CDH4: variants seen among roughly 807,000 people sequenced by gnomAD.
CDH4 encodes the protein cadherin-4.
CDH4 carries 33 observed loss-of-function variants against 86.0 expected under a neutral mutation model. The ratio of observed to expected loss-of-function variants is 0.38; its 90% confidence interval spans 0.29 to 0.51. CDH4 has a LOEUF of 0.51. Ranked by LOEUF, CDH4 falls within the 20% of genes least tolerant of loss-of-function variation. CDH4 has a pLI of 0.86. For missense variants in CDH4, 1,114 were observed against 1,307.4 expected (o/e 0.85, Z 2.28); for synonymous variants, 555 against 549.4 (o/e 1.01, Z -0.14).
chr20:61,533,167 C>T (rs922120914), intron 2 of CDH4, among the ~76,000 whole-genome samples: 6 of 152,122 alleles, frequency 3.9e-5, no homozygotes, highest in African/African-American at 1.2e-4. Context: ...GGGGGTGACT[C>T]AGGCCACTGA....
At chr20:61,740,885 G>A (rs1273997658) in intron 2 of CDH4, 1 of 152,218 alleles carries the variant, frequency 6.6e-6, no homozygotes, top group Non-Finnish European at 1.5e-5. Flanking sequence ...GATTGGACGG[G>A]GCCTGTTAGA....
chr20:61,825,988 C>T (rs1046870476), intron 4 of CDH4, among the ~76,000 whole-genome samples: 3 of 152,200 alleles, frequency 2.0e-5, no homozygotes, highest in African/African-American at 7.2e-5. Flanking sequence ...GCCGCCTCTC[C>T]CACTGCCACA....
chr20:61,852,178 AG>A (rs1982756586), intron 5 of CDH4, among the ~76,000 whole-genome samples: 1 of 151,746 alleles, frequency 6.6e-6, no homozygotes, highest in Admixed American at 6.6e-5. Context: ...AAGAGCTGAC[AG>A]GGCACACAGA....
At chr20:61,359,429 C>A (rs769772284) in intron 2 of CDH4, among the ~76,000 whole-genome samples, 1 of 152,188 alleles carries the variant, frequency 6.6e-6, no homozygotes, top group South Asian at 2.1e-4. Context: ...CTGGGAGCAC[C>A]GCTGTGAAGC....
intron 6 of CDH4, among the ~76,000 whole-genome samples, chr20:61,857,791 C>G (rs929822091): frequency 6.6e-6 from 1 of 152,274 alleles, no homozygotes; most frequent in Admixed American, 6.5e-5. Flanking sequence ...CTTGCAGAAC[C>G]GCAGTGCAGG....
Position 61,684,359 on chromosome 20 carries a change from G to A in CDH4, c.170-59204G>A, listed in dbSNP as rs138127045. ...GCCCAGCTAAGGAAGCAGCAAGCGC[G>A]GAGCACGTGGCCTCAACCTCCGTCT... On this transcript the variant is annotated intron_variant, in intron 2 of 15. Coordinates refer to ENST00000614565, the MANE Select transcript of CDH4 (RefSeq NM_001794.5). The surrounding 1 kb of genome is among the most constrained non-coding windows in gnomAD (Gnocchi z 4.5). 1.3e-4 allele frequency among the ~76,000 whole-genome samples: 20 copies of A among 152,304 alleles called. No homozygotes were observed. The highest frequency in any genetic ancestry group is 2.8e-4 in the Non-Finnish European group (19 of 68,022).
At chr20:61,426,635 T>A (rs1192176076) in intron 2 of CDH4, among the ~76,000 whole-genome samples, 1 of 152,240 alleles carries the variant, frequency 6.6e-6, no homozygotes, top group Non-Finnish European at 1.5e-5. Context: ...AGAATATGGT[T>A]GTGCAGTGCA....
chr20:61,390,177 CGTGTCTGGG>C (rs2084974611), intron 2 of CDH4, among the ~76,000 whole-genome samples: 3 of 147,108 alleles, frequency 2.0e-5, no homozygotes, highest in East Asian at 2.1e-4. Context: ...CCCATAGTGC[CGTGTCTGGG>C]AAACCCCGAT....
At chr20:61,741,532 C>T (rs1472680278) in intron 2 of CDH4, among the ~76,000 whole-genome samples, 3 of 151,350 alleles carry the variant, frequency 2.0e-5, no homozygotes, top group African/African-American at 7.3e-5. Flanking sequence ...CGCTCTGTTG[C>T]GCAGGCTGGA....
intron 2 of CDH4, among the ~76,000 whole-genome samples, chr20:61,323,130 G>A (rs931572171): frequency 6.6e-6 from 1 of 152,174 alleles, no homozygotes; most frequent in African/African-American, 2.4e-5. Context: ...CAAGAGGATA[G>A]CAAGGAGGCA....
At chr20:61,534,755 T>C (rs2085983813) in intron 2 of CDH4, among the ~76,000 whole-genome samples, 1 of 146,470 alleles carries the variant, frequency 6.8e-6, no homozygotes, top group African/African-American at 2.5e-5. Flanking sequence ...GGGACGCTCC[T>C]TTGGAGCAGC....
intron 2 of CDH4, among the ~76,000 whole-genome samples, chr20:61,365,400 C>T (rs962549685): frequency 2.0e-5 from 3 of 152,060 alleles, no homozygotes; most frequent in Non-Finnish European, 4.4e-5. Flanking sequence ...ACGGGAGGGA[C>T]GGGGTGGAAA....
At chr20:61,899,518 C>T (rs1414661539) in intron 8 of CDH4, among the ~76,000 whole-genome samples, 1 of 152,102 alleles carries the variant, frequency 6.6e-6, no homozygotes, top group Non-Finnish European at 1.5e-5. Flanking sequence ...ACCTCCGCCT[C>T]CTGGGTTCAC....
intron 2 of CDH4, among the ~76,000 whole-genome samples, chr20:61,408,779 G>T (rs2085098562): frequency 6.6e-6 from 1 of 152,148 alleles, no homozygotes; most frequent in Non-Finnish European, 1.5e-5. Flanking sequence ...TTTATATGGG[G>T]CCCATGACAG....
chr20:61,421,384 G>A (rs1244230399), intron 2 of CDH4, among the ~76,000 whole-genome samples: 1 of 152,240 alleles, frequency 6.6e-6, no homozygotes, highest in Non-Finnish European at 1.5e-5. Flanking sequence ...CTCACGTGAA[G>A]TGCATAGACG....
At chr20:61,260,815 T>A (rs1251809154) in intron 2 of CDH4, among the ~76,000 whole-genome samples, 1 of 152,168 alleles carries the variant, frequency 6.6e-6, no homozygotes, top group Non-Finnish European at 1.5e-5. Context: ...TTCCCTCTTA[T>A]AGTTTTGTCT....
At chr20:61,267,314 T>C (rs1368245123) in intron 2 of CDH4, among the ~76,000 whole-genome samples, 1 of 152,200 alleles carries the variant, frequency 6.6e-6, no homozygotes, top group African/African-American at 2.4e-5. Context: ...GAATCCGATC[T>C]TTGCGAAAGC....
chr20:61,360,263 C>T (rs957177744), intron 2 of CDH4, among the ~76,000 whole-genome samples: 1 of 152,280 alleles, frequency 6.6e-6, no homozygotes. Flanking sequence ...TGTTCCTTAC[C>T]CTTGAGGATC....
At chr20:61,767,017 A>G (rs756438004) in intron 3 of CDH4, among the ~76,000 whole-genome samples, 8 of 152,222 alleles carry the variant, frequency 5.3e-5, no homozygotes, top group Non-Finnish European at 7.3e-5. Context: ...CTTGGGCTCC[A>G]GTCCTGGCCT....
Sources: gnomAD v4.1 joint callset for allele counts (sites outside exome capture counted in the v4.1 genomes callset) on GRCh38, gnomAD v4.1.1 for gene constraint, Gnocchi (gnomAD v3.1) non-coding constraint, MANE v1.5 for transcripts, NCBI Gene and HGNC (gene_info 2026-07-23, HGNC 2026-07-21) for gene names.